The following ZNF546 variants were observed in gnomAD, a reference collection of about 807,000 sequenced individuals.
The protein encoded by ZNF546 is zinc finger protein 546.
ZNF546 carries 60 observed loss-of-function variants against 76.2 expected under a neutral mutation model. The observed-to-expected ratio is 0.79, with a 90% CI of 0.64 to 0.98. The LOEUF (loss-of-function observed/expected upper bound fraction) is 0.98, where lower values mean the gene tolerates loss of function less well. Ranked by LOEUF, ZNF546 falls within the 50% of genes least tolerant of loss-of-function variation. The pLI is 0.00. For synonymous variants in ZNF546, 277 were observed against 328.1 expected, an observed-to-expected ratio of 0.84 and a Z score of 1.68; for missense variants, 936 against 1,035.6, an observed-to-expected ratio of 0.90 and a Z score of 1.32.
chr19:40,014,195 G>A lies in ZNF546; in HGVS notation c.925G>A (p.Ala309Thr), dbSNP rs1411230775. The A allele has an allele frequency of 6.2e-7, 1 of 1,613,450 alleles. No homozygotes were observed. Among genetic ancestry groups the A allele is most frequent in the Non-Finnish European group, 8.5e-7 (1 of 1,179,720 alleles). ...CTACGAGTGTAAGGAATGTGGGAAA[G>A]CCTTTAGTCGTGTTAGAGACCTTAG... Reference protein sequence around the residue: ...KPYECKECGKAFSRVRDLRVH... With the variant: ...KPYECKECGKTFSRVRDLRVH... Residue 309 changes from alanine to threonine, a missense_variant, in exon 7 of 7, where the codon GCC becomes ACC. Transcript: ENST00000347077.
At chr19:40,013,486 G>A (rs151020304) in intron 6 of ZNF546, among the ~76,000 whole-genome samples, 179 bp from the exon 7 acceptor site, 42 of 152,024 alleles carry the variant, frequency 2.8e-4, no homozygotes, top group Non-Finnish European at 5.6e-4. Flanking sequence ...TTCACTATCT[G>A]GTCTTTTAAA....
chr19:40,008,934 C>G (rs547237797), intron 6 of ZNF546, among the ~76,000 whole-genome samples: 1 of 152,232 alleles, frequency 6.6e-6, no homozygotes, highest in African/African-American at 2.4e-5. Flanking sequence ...TTTACCTAAC[C>G]TAAGCCAGGC....
At chr19:40,008,741 A>C (rs994986307) in intron 6 of ZNF546, among the ~76,000 whole-genome samples, 176 bp downstream of exon 6, 32 of 152,188 alleles carry the variant, frequency 2.1e-4, no homozygotes, top group Non-Finnish European at 2.9e-5. Context: ...TACCAAAGGA[A>C]CTTTACCCAA....
At chr19:40,006,235 C>A in intron 4 of ZNF546, 53 bp downstream of exon 4, 2 of 1,507,288 alleles carry the variant, frequency 1.3e-6, no homozygotes, top group South Asian at 1.1e-5. Context: ...TTCATGTGAT[C>A]ATTGAAGTCT....
At position 40,020,781 on chromosome 19, in the gene ZNF546, T is replaced by C. The variant is rs975751668; in HGVS notation, c.*5000T>C. 3.9e-5 allele frequency: 6 copies of C among 152,134 alleles called. No individual in the cohort carries two copies. In the East Asian group the frequency reaches 9.6e-4, roughly 24 times the overall value. The allele number at this position is 152,134 out of a possible 1,614,324, so 9.4% of individuals were successfully genotyped here. The stretch of plus-strand genomic sequence containing the variant: ...AACCAAAAAAGAGTGACCCTAAAGA[T>C]AGAATATTCAGATCTAATGGCAGAT... On this transcript the variant is annotated 3_prime_UTR_variant, in exon 7 of 7. Coordinates refer to ENST00000347077, the MANE Select transcript of ZNF546 (RefSeq NM_178544.5).
At position 40,019,635 on chromosome 19, in the gene ZNF546, ATAT is replaced by A. The variant is rs1361344884; in HGVS notation, c.*3858_*3860del. The A allele has an allele frequency of 1.3e-5, 2 of 152,216 alleles. No homozygotes were observed. Among genetic ancestry groups the A allele is most frequent in the Non-Finnish European group, 2.9e-5 (2 of 68,030 alleles). The allele number at this position is 152,216 out of a possible 1,614,324, so 9.4% of individuals were successfully genotyped here. A position where few individuals can be genotyped will look rare whatever the true frequency, so the allele number is the denominator to read the frequency against. ...AATTTCACTAGCTCTTTCTACACTG[ATAT>A]TATAATCCTGATAATACAACAGATG... On this transcript the variant is annotated 3_prime_UTR_variant, in exon 7 of 7. Coordinates refer to ENST00000347077, the MANE Select transcript of ZNF546 (RefSeq NM_178544.5).
intron 6 of ZNF546, among the ~76,000 whole-genome samples, chr19:40,009,354 G>C (rs1971643515): frequency 6.6e-6 from 1 of 152,100 alleles, no homozygotes. Flanking sequence ...CATTTCTCTT[G>C]GGTTTTCATT....
intron 2 of ZNF546, 53 bp from the exon 3 acceptor site, chr19:39,998,195 C>G: frequency 3.0e-6 from 2 of 659,424 alleles, no homozygotes; most frequent in South Asian, 4.0e-5. Context: ...ACTCTCTGGT[C>G]TATATCTTTA....
At chr19:40,001,025 A>C (rs1971522594) in intron 3 of ZNF546, among the ~76,000 whole-genome samples, 1 of 152,066 alleles carries the variant, frequency 6.6e-6, no homozygotes, top group Non-Finnish European at 1.5e-5. Flanking sequence ...ATCAGGCATT[A>C]GATTCTCATA....
Position 40,017,070 on chromosome 19 carries a change from A to G in ZNF546, c.*1289A>G, listed in dbSNP as rs952276085. The G allele has an allele frequency of 6.6e-6, 1 of 152,192 alleles. No homozygotes were observed. The highest frequency in any genetic ancestry group is 6.5e-5 in the Admixed American group (1 of 15,276). 9.4% of individuals were successfully genotyped at this position (152,192 alleles called of 1,614,324 possible). ...GAGAGGAAGGCCCTGTGGGTGTAAGAAATTTGTAAAAACTGTCCATTACCT... is the reference window on the plus strand; with the variant it reads ...GAGAGGAAGGCCCTGTGGGTGTAAGGAATTTGTAAAAACTGTCCATTACCT... On this transcript the variant is annotated 3_prime_UTR_variant, in exon 7 of 7. Transcript: ENST00000347077.
At chr19:40,001,659 A>G (rs1487515532) in intron 3 of ZNF546, among the ~76,000 whole-genome samples, 1 of 152,080 alleles carries the variant, frequency 6.6e-6, no homozygotes, top group Admixed American at 6.5e-5. Context: ...ACCGCGCTCT[A>G]CCAAGAAGAG....
intron 3 of ZNF546, among the ~76,000 whole-genome samples, chr19:40,005,801 A>G (rs1475375278): frequency 1.3e-5 from 2 of 152,198 alleles, no homozygotes; most frequent in Non-Finnish European, 2.9e-5. Context: ...TTAAGCCCTC[A>G]TTACCTCATC....
Position 40,008,551 on chromosome 19 carries a change from G to A in ZNF546, c.380G>A (p.Arg127Lys), listed in dbSNP as rs779638657. 6.2e-7 allele frequency: 1 copy of A among 1,612,974 alleles called. No individual in the cohort carries two copies. Among genetic ancestry groups the A allele is most frequent in the South Asian group, 1.1e-5 (1 of 90,946 alleles). The change falls in exon 6 of 7, where the codon AGG becomes AAG. Residue 127 changes from arginine (R) to lysine (K), a missense_variant. Arg to Lys is a conservative substitution (Grantham distance 26, BLOSUM62 2). Coordinates refer to ENST00000347077, the MANE Select transcript of ZNF546 (RefSeq NM_178544.5). ...EPWIVMREGT[R>K]NWFTDLEYKY... The stretch of plus-strand genomic sequence containing the variant: ...TGGATAGTAATGAGGGAAGGGACAA[G>A]GAATTGGTTCACAGGTGAGTGACAG...
chr19:40,012,976 G>C (rs1309272274), intron 6 of ZNF546, among the ~76,000 whole-genome samples: 1 of 151,978 alleles, frequency 6.6e-6, no homozygotes, highest in African/African-American at 2.4e-5. Flanking sequence ...ACCACGCCTG[G>C]CTAATTTTTT....
chr19:40,014,756 C>G lies in ZNF546; in HGVS notation c.1486C>G (p.Pro496Ala). 2 of 1,612,742 alleles carry G rather than the reference C, an allele frequency of 1.2e-6. No individual in the cohort carries two copies. The highest frequency in any genetic ancestry group is 1.7e-6 in the Non-Finnish European group (2 of 1,179,758). Residue 496 changes from proline (P) to alanine (A), a missense_variant, in exon 7 of 7, where the codon CCC (proline) becomes GCC (alanine). Pro to Ala is a conservative substitution (Grantham distance 27, BLOSUM62 -1). Transcript: ENST00000347077. ...LHLRTHTGEI[P>A]YECKECGKTF... ...TCTGAGAACTCACACCGGTGAGATT[C>G]CCTATGAATGTAAGGAATGTGGAAA...
rs150438472 is a variant in ZNF546, at chr19:40,003,562, C to T, written c.85-2534C>T. ...AATTTCAGAGCACAAACTGTCAATACGTTTGTCAGGAGTACATGAAAAGCC... is the reference window on the plus strand; with the variant it reads ...AATTTCAGAGCACAAACTGTCAATATGTTTGTCAGGAGTACATGAAAAGCC... On this transcript the variant is annotated intron_variant, in intron 3 of 6. Transcript: ENST00000347077. 1.1e-3 allele frequency among the ~76,000 whole-genome samples: 165 copies of T among 152,238 alleles called. 1 individual carries two copies. Among genetic ancestry groups the T allele is most frequent in the Middle Eastern group, 0.01 (3 of 292 alleles).
chr19:40,009,196 T>C (rs561141720), intron 6 of ZNF546, among the ~76,000 whole-genome samples: 27 of 152,320 alleles, frequency 1.8e-4, no homozygotes, highest in African/African-American at 6.0e-4. Context: ...TCTCAGGCCA[T>C]GTGAGTATTG....
chr19:40,014,661 C>G lies in ZNF546; in HGVS notation c.1391C>G (p.Thr464Ser), dbSNP rs138568587. The G allele has an allele frequency of 5.8e-5, 93 of 1,614,010 alleles. No homozygotes were observed. The African/African-American group carries it at 1.1e-3, about 19-fold the overall frequency. The change falls in exon 7 of 7, where the codon ACT becomes AGT. Residue 464 changes from threonine (T) to serine (S), a missense_variant. Coordinates refer to ENST00000347077, the MANE Select transcript of ZNF546 (RefSeq NM_178544.5). ...TELTRHHRTH[T>S]GEKPYECKEC... ...CTTACTCGGCATCATAGAACTCATA[C>G]TGGTGAGAAACCCTATGAATGTAAG...
Position 40,007,291 on chromosome 19 carries a change from G to A in ZNF546, c.189G>A (p.Arg63=). Reference sequence around the variant, plus strand: ...CATTTCAGGTATCTTTGGCATTTAGGGATGTGTCCATAGACCTCTCCCAAG... The same window carrying A: ...CATTTCAGGTATCTTTGGCATTTAGAGATGTGTCCATAGACCTCTCCCAAG... The part of the protein sequence containing the change: ...KTMANVSLAF[R]DVSIDLSQEE... Residue 63 remains arginine (R), a synonymous_variant, in exon 5 of 7, where the codon AGG becomes AGA. Transcript: ENST00000347077. 1 of 1,558,260 alleles carries A rather than the reference G, an allele frequency of 6.4e-7. No individual in the cohort carries two copies. The highest frequency in any genetic ancestry group is 2.3e-5 in the East Asian group (1 of 42,968).
Sources: allele counts gnomAD v4.1 joint callset (sites outside exome capture counted in the v4.1 genomes callset), GRCh38; gene constraint gnomAD v4.1.1; transcripts MANE v1.5; gene names NCBI Gene and HGNC (gene_info 2026-07-23, HGNC 2026-07-21).